The following LOXHD1 variants were observed in gnomAD, a reference collection of about 807,000 sequenced individuals.
The protein encoded by LOXHD1 is lipoxygenase homology PLAT domains 1, also known as lipoxygenase homology domain-containing protein 1.
In LOXHD1, 205 loss-of-function variants were observed where a neutral mutation model predicts 248.2. That is an observed-to-expected ratio of 0.83 (90% CI 0.74 to 0.93). The LOEUF (loss-of-function observed/expected upper bound fraction) is 0.93, where lower values mean the gene tolerates loss of function less well. LOXHD1 is among the 40% of genes least tolerant of loss of function. LOXHD1 has a pLI of 0.00. For synonymous variants in LOXHD1, 1,113 were observed against 1,162.8 expected (o/e 0.96, Z 0.87); for missense variants, 2,930 against 2,971.6 (o/e 0.99, Z 0.33).
intron 2 of LOXHD1, among the ~76,000 whole-genome samples, chr18:46,644,722 T>C (rs2039006534): frequency 6.7e-6 from 1 of 150,312 alleles, no homozygotes. Flanking sequence ...ACCCTGTCTC[T>C]AAAAAAGAAA....
At position 46,534,457 on chromosome 18, in the gene LOXHD1, GA is replaced by G. The variant is rs1314985669; in HGVS notation, c.4096-7del. 2.6e-6 allele frequency: 4 copies of G among 1,546,492 alleles called. No individual in the cohort carries two copies. In the African/African-American group the frequency reaches 5.5e-5, roughly 21 times the overall value. ...ATTTCTCCCACATCTTCTAACTTTG[GA>G]AAGGAGATAAGGCACTGAATGTTAG... On this transcript the variant is annotated splice_region_variant and splice_polypyrimidine_tract_variant and intron_variant, in intron 26 of 40. Transcript: ENST00000642948.
rs111828027 is a variant in LOXHD1 at position 46,654,209 on chromosome 18, T to C, written c.130+2695A>G. ...TTGGACTTCTCAGCCTCCAGAATTT[T>C]TGAGGAAGAAAAAAAAATATGTTCT... On this transcript the variant is annotated intron_variant, in intron 1 of 40. Coordinates refer to ENST00000642948, the MANE Select transcript of LOXHD1 (RefSeq NM_001384474.1). 4.6e-3 allele frequency among the ~76,000 whole-genome samples: 702 copies of C among 152,340 alleles called. 4 individuals carry two copies. The highest frequency in any genetic ancestry group is 7.5e-3 in the Non-Finnish European group (510 of 68,028).
chr18:46,617,599 C>G (rs1039735775), intron 5 of LOXHD1, among the ~76,000 whole-genome samples: 1 of 150,524 alleles, frequency 6.6e-6, no homozygotes, highest in Non-Finnish European at 1.5e-5. Context: ...TATATTGTTA[C>G]AAAATTCACA....
At chr18:46,641,635 T>C (rs1266544103) in intron 3 of LOXHD1, among the ~76,000 whole-genome samples, 5 of 152,184 alleles carry the variant, frequency 3.3e-5, no homozygotes, top group Non-Finnish European at 5.9e-5. Flanking sequence ...GTGGCACAGC[T>C]AGTAAATAAC....
At chr18:46,620,921 T>C (rs931389527) in intron 4 of LOXHD1, among the ~76,000 whole-genome samples, 3 of 152,136 alleles carry the variant, frequency 2.0e-5, no homozygotes, top group Admixed American at 1.3e-4. Context: ...ATCCATGCTC[T>C]GGCAAAGTCT....
At position 46,533,254 on chromosome 18, in the gene LOXHD1, C is replaced by T. The variant is rs1439515493; in HGVS notation, c.4283G>A (p.Arg1428Gln). 23 of 1,551,602 alleles carry T rather than the reference C, an allele frequency of 1.5e-5. No homozygotes were observed. In the Admixed American group the frequency reaches 1.6e-4, roughly 11 times the overall value. ...ATSEDDKKTI[R>Q]ELVPYDIFTE... is the part of the protein sequence containing the mutation. ...GAAGATGTCATATGGAACCAGTTCTCGAATGGTCTTTTTGTCATCCTCAGA... is the reference window on the plus strand; with the variant it reads ...GAAGATGTCATATGGAACCAGTTCTTGAATGGTCTTTTTGTCATCCTCAGA... Residue 1428 changes from arginine to glutamine, a missense_variant, in exon 28 of 41, where the codon CGA (arginine) becomes CAA (glutamine). Arg to Gln is a conservative substitution (Grantham distance 43). Coordinates refer to ENST00000642948, the MANE Select transcript of LOXHD1 (RefSeq NM_001384474.1).
chr18:46,600,930 G>T (rs2038327073), intron 8 of LOXHD1, among the ~76,000 whole-genome samples: 1 of 152,048 alleles, frequency 6.6e-6, no homozygotes, highest in South Asian at 2.1e-4. Flanking sequence ...ATAAGCTGAG[G>T]TGAAACACTA....
chr18:46,505,088 A>G (rs2034475136), intron 37 of LOXHD1, among the ~76,000 whole-genome samples: 1 of 152,152 alleles, frequency 6.6e-6, no homozygotes, highest in African/African-American at 2.4e-5. Context: ...TTAAAAATAT[A>G]TTTCTCACTT....
At chr18:46,484,958 T>C (rs914792564) in intron 39 of LOXHD1, 61 bp downstream of exon 39, 8 of 1,530,994 alleles carry the variant, frequency 5.2e-6, no homozygotes, top group Non-Finnish European at 6.2e-6. Context: ...AGAGGGAGAT[T>C]CTCGGGGTCC....
At chr18:46,532,876 G>A (rs995721960) in intron 28 of LOXHD1, among the ~76,000 whole-genome samples, 6 of 152,224 alleles carry the variant, frequency 3.9e-5, no homozygotes, top group Non-Finnish European at 8.8e-5. Context: ...CAGGATTCCC[G>A]TTATCTGGAT....
intron 37 of LOXHD1, among the ~76,000 whole-genome samples, chr18:46,505,398 T>C (rs1206985295): frequency 2.0e-5 from 3 of 152,102 alleles, no homozygotes; most frequent in African/African-American, 7.2e-5. Flanking sequence ...TTTAGGCTGG[T>C]CTTGAACTCC....
rs963809602 is a variant in LOXHD1 at position 46,477,386 on chromosome 18, G to A, written c.*86C>T. On this transcript the variant is annotated 3_prime_UTR_variant, in exon 41 of 41. Transcript: ENST00000642948. ...GCTAGCCCCCAGTGCCAATGCTAGA[G>A]GCTTTGAAGGGCTGCTGACCGCCAA... is the stretch of plus-strand genomic sequence containing the variant. 1 of 1,517,626 alleles carries A rather than the reference G, an allele frequency of 6.6e-7. No homozygotes were observed. Among genetic ancestry groups the A allele is most frequent in the Non-Finnish European group, 8.9e-7 (1 of 1,126,736 alleles). 94.0% of individuals were successfully genotyped at this position (1,517,626 alleles called of 1,614,324 possible). A position where few individuals can be genotyped will look rare whatever the true frequency, so the allele number is the denominator to read the frequency against.
intron 17 of LOXHD1, 49 bp from the exon 18 acceptor site, chr18:46,563,274 T>C (rs1382734212): frequency 5.6e-6 from 8 of 1,437,550 alleles, no homozygotes; most frequent in African/African-American, 1.4e-5. Flanking sequence ...ATAATAACAA[T>C]AACAATGATA....
At chr18:46,594,685 T>C (rs543563012) in intron 8 of LOXHD1, among the ~76,000 whole-genome samples, 9 of 152,328 alleles carry the variant, frequency 5.9e-5, no homozygotes, top group Non-Finnish European at 8.8e-5. Context: ...CAATTAGCTA[T>C]TCAAATCTCA....
intron 34 of LOXHD1, among the ~76,000 whole-genome samples, chr18:46,516,253 G>C (rs1462989124): frequency 6.6e-6 from 1 of 152,208 alleles, no homozygotes. Context: ...AGTACAAAGA[G>C]TGATAAGAGG....
At chr18:46,563,312 G>A (rs918293562) in intron 17 of LOXHD1, 87 bp from the exon 18 acceptor site, 102 of 1,312,142 alleles carry the variant, frequency 7.8e-5, no homozygotes, top group Non-Finnish European at 9.7e-5. Context: ...TCCTGAGCCT[G>A]TTCCAGGTGC....
intron 21 of LOXHD1, 63 bp downstream of exon 21, chr18:46,557,293 T>C (rs371788995): frequency 7.2e-7 from 1 of 1,387,748 alleles, no homozygotes; most frequent in Non-Finnish European, 9.7e-7. Context: ...CAGGACTACC[T>C]CTGTGGCAGA....
Position 46,506,028 on chromosome 18 carries a change from G to T in LOXHD1, c.5693-5C>A, listed in dbSNP as rs573563419. The T allele has an allele frequency of 2.8e-5, 44 of 1,551,926 alleles. No homozygotes were observed. The highest frequency in any genetic ancestry group is 3.7e-5 in the Non-Finnish European group (43 of 1,147,028). On this transcript the variant is annotated splice_region_variant and splice_polypyrimidine_tract_variant and intron_variant, in intron 36 of 40. Coordinates refer to ENST00000642948, the MANE Select transcript of LOXHD1 (RefSeq NM_001384474.1). ...CGTTGGCATCAGTGCCTGCTCCTGGGGGGTGCACAAGGTGAGGCTTAGGGT... is the reference window on the plus strand; with the variant it reads ...CGTTGGCATCAGTGCCTGCTCCTGGTGGGTGCACAAGGTGAGGCTTAGGGT...
chr18:46,501,297 C>T (rs2034214978), intron 37 of LOXHD1, among the ~76,000 whole-genome samples: 1 of 152,234 alleles, frequency 6.6e-6, no homozygotes, highest in Non-Finnish European at 1.5e-5. Flanking sequence ...CAAGGCAACA[C>T]TGCCTTCTTG....
Sources: gnomAD v4.1 joint callset for allele counts (sites outside exome capture counted in the v4.1 genomes callset) on GRCh38, gnomAD v4.1.1 for gene constraint, MANE v1.5 for transcripts, NCBI Gene and HGNC (gene_info 2026-07-23, HGNC 2026-07-21) for gene names.